VWA3B: variants seen among roughly 807,000 people sequenced by gnomAD.
VWA3B encodes von Willebrand factor A domain-containing protein 3B.
A neutral mutation model predicts 158.3 loss-of-function variants in VWA3B; 138 were observed. The ratio of observed to expected loss-of-function variants is 0.87; its 90% CI spans 0.76 to 1.00. VWA3B has a LOEUF of 1.00. VWA3B is among the 50% of genes least tolerant of loss of function. The probability of loss-of-function intolerance (pLI) is 0.00; values close to 1 mark genes in which losing one functional copy is unlikely to be tolerated. For synonymous variants in VWA3B, 596 were observed against 587.3 expected (o/e 1.01, Z -0.21); for missense variants, 1,555 against 1,565.1 (o/e 0.99, Z 0.11).
intron 19 of VWA3B, among the ~76,000 whole-genome samples, chr2:98,240,147 A>G (rs1574170401): frequency 6.6e-6 from 1 of 152,176 alleles, no homozygotes; most frequent in Admixed American, 6.5e-5. Context: ...TTTCCTTCCA[A>G]TCCTTTTTCT....
chr2:98,120,769 C>T (rs1674895342), intron 4 of VWA3B, among the ~76,000 whole-genome samples: 1 of 152,206 alleles, frequency 6.6e-6, no homozygotes, highest in Non-Finnish European at 1.5e-5. Context: ...CAAATTTTCT[C>T]AGGATTTAAA....
intron 10 of VWA3B, among the ~76,000 whole-genome samples, chr2:98,189,592 T>C (rs1030728942): frequency 6.6e-6 from 1 of 152,228 alleles, no homozygotes; most frequent in African/African-American, 2.4e-5. Flanking sequence ...TAGCTCAAGT[T>C]GGTTGAGAGT....
At chr2:98,255,941 A>G (rs1280959367) in intron 20 of VWA3B, among the ~76,000 whole-genome samples, 183 bp from the exon 21 acceptor site, 1 of 152,148 alleles carries the variant, frequency 6.6e-6, no homozygotes, top group African/African-American at 2.4e-5. Context: ...CAATTGCCAC[A>G]AAACCACGAG....
chr2:98,166,848 T>C (rs1406003001), intron 8 of VWA3B, among the ~76,000 whole-genome samples: 1 of 126,818 alleles, frequency 7.9e-6, no homozygotes, highest in East Asian at 2.3e-4. Context: ...CCAAAATAAC[T>C]CTATGCAGAA....
intron 7 of VWA3B, among the ~76,000 whole-genome samples, chr2:98,147,944 G>A (rs547732257): frequency 6.8e-6 from 1 of 146,720 alleles, no homozygotes; most frequent in East Asian, 2.0e-4. Context: ...TTCCCTATGA[G>A]TGAGAACATG....
At chr2:98,298,188 G>A (rs2105975620) in intron 24 of VWA3B, among the ~76,000 whole-genome samples, 157 bp downstream of exon 24, 1 of 152,242 alleles carries the variant, frequency 6.6e-6, no homozygotes, top group Non-Finnish European at 1.5e-5. Flanking sequence ...CCCTGTTCTG[G>A]GACCTGTCAC....
At chr2:98,127,041 T>C (rs1449044084) in intron 5 of VWA3B, among the ~76,000 whole-genome samples, 3 of 148,960 alleles carry the variant, frequency 2.0e-5, no homozygotes, top group East Asian at 2.0e-4. Context: ...TTGTTGACTA[T>C]CTTCAGCTTA....
intron 22 of VWA3B, among the ~76,000 whole-genome samples, chr2:98,280,888 C>T (rs1037168623): frequency 6.6e-6 from 1 of 152,196 alleles, no homozygotes; most frequent in Non-Finnish European, 1.5e-5. Context: ...CCAGATGTGC[C>T]GTACTTGATA....
intron 9 of VWA3B, 62 bp downstream of exon 9, chr2:98,181,274 C>A: frequency 1.9e-6 from 3 of 1,565,436 alleles, no homozygotes; most frequent in Non-Finnish European, 2.6e-6. Flanking sequence ...GTGGGTGAGG[C>A]CTCCATCGGG....
chr2:98,206,825 A>G, intron 12 of VWA3B: 2 of 379,162 alleles, frequency 5.3e-6, no homozygotes, highest in South Asian at 4.1e-5. Context: ...GCCAAAGCCC[A>G]TGGTGCTTAA....
chr2:98,087,409 C>G (rs149522317), intron 1 of VWA3B, 46 bp downstream of exon 1: 2 of 152,232 alleles, frequency 1.3e-5, no homozygotes, highest in East Asian at 1.9e-4. Flanking sequence ...GCCGAGGTGC[C>G]GAGCCTTCCA....
rs745428312 is a variant in VWA3B, at chr2:98,192,985, A to T, written c.1554A>T (p.Ser518=). ...ACATTCTCATTGACACGTCTCACTC[A>T]ATGAAGAGCAAACTGGACTTGGTGA... ...CIYILIDTSH[S]MKSKLDLVKD... is the part of the protein sequence containing the mutation. Residue 518 remains serine, a synonymous_variant, in exon 11 of 28, where the codon TCA becomes TCT. Transcript: ENST00000477737. 4 of 1,614,184 alleles carry T rather than the reference A, an allele frequency of 2.5e-6. No individual in the cohort carries two copies. In the South Asian group the frequency reaches 4.4e-5, roughly 18 times the overall value.
intron 22 of VWA3B, among the ~76,000 whole-genome samples, chr2:98,284,384 A>G (rs1353976757): frequency 1.3e-5 from 2 of 152,206 alleles, no homozygotes; most frequent in Non-Finnish European, 2.9e-5. Flanking sequence ...ACCCAGTCAT[A>G]TCAGGGCACC....
At chr2:98,090,022 A>G (rs981818412) in intron 1 of VWA3B, among the ~76,000 whole-genome samples, 1 of 152,184 alleles carries the variant, frequency 6.6e-6, no homozygotes, top group Non-Finnish European at 1.5e-5. Context: ...AGGGCAGTTT[A>G]TGTAAAAGTG....
intron 26 of VWA3B, among the ~76,000 whole-genome samples, chr2:98,310,453 T>C (rs1304528833): frequency 6.6e-6 from 1 of 152,178 alleles, no homozygotes; most frequent in Non-Finnish European, 1.5e-5. Flanking sequence ...ATCTCTCTAC[T>C]TCTCACATCC....
At chr2:98,217,253 A>G (rs62156667) in intron 13 of VWA3B, among the ~76,000 whole-genome samples, 7,184 of 152,012 alleles carry the variant, frequency 0.047, 254 homozygotes, top group Middle Eastern at 0.082. Context: ...GACTAACCGT[A>G]CCCCTTTCTG....
Position 98,192,885 on chromosome 2 carries a change from A to AGGATTAAATGG in VWA3B, c.1467-13_1467-12insGGATTAAATGG, listed in dbSNP as rs1558657593. 2.5e-6 allele frequency: 4 copies of AGGATTAAATGG among 1,614,126 alleles called. No homozygotes were observed. The Admixed American group carries it at 6.7e-5, about 27-fold the overall frequency. Reference sequence around the variant, plus strand: ...GGCTCTCACCATTCACTTTCAACCTACTTCCTGCCTAGGATTAAATGGCTA... The same window carrying AGGATTAAATGG: ...GGCTCTCACCATTCACTTTCAACCTAGGATTAAATGGCTTCCTGCCTAGGATTAAATGGCTA... On this transcript the variant is annotated splice_polypyrimidine_tract_variant and intron_variant, in intron 10 of 27. Coordinates refer to ENST00000477737, the MANE Select transcript of VWA3B (RefSeq NM_144992.5).
At chr2:98,302,586 CTT>C (rs1364836612) in intron 25 of VWA3B, among the ~76,000 whole-genome samples, 1 of 152,168 alleles carries the variant, frequency 6.6e-6, no homozygotes, top group East Asian at 1.9e-4. Flanking sequence ...AATCCAAGCG[CTT>C]TACACAGAGT....
intron 20 of VWA3B, among the ~76,000 whole-genome samples, chr2:98,255,002 G>GT (rs1188183177): frequency 6.6e-6 from 1 of 151,436 alleles, no homozygotes; most frequent in Non-Finnish European, 1.5e-5. Context: ...TGGAAGCAGT[G>GT]TTTTTTGTTT....
Sources: allele counts gnomAD v4.1 joint callset (sites outside exome capture counted in the v4.1 genomes callset), GRCh38; gene constraint gnomAD v4.1.1; transcripts MANE v1.5; gene names NCBI Gene and HGNC (gene_info 2026-07-23, HGNC 2026-07-21).